TUBD1: variants seen among roughly 807,000 people sequenced by gnomAD.
The protein encoded by TUBD1 is tubulin delta 1.
TUBD1 carries 38 observed loss-of-function variants against 51.2 expected under a neutral mutation model. The ratio of observed to expected loss-of-function variants is 0.74; its 90% CI spans 0.57 to 0.97. TUBD1 has a LOEUF of 0.97. Ranked by LOEUF, TUBD1 falls within the 50% of genes least tolerant of loss-of-function variation. The pLI is 0.00. For missense variants in TUBD1, 489 were observed against 538.4 expected, an observed-to-expected ratio of 0.91 and a Z score of 0.91; for synonymous variants, 169 against 178.2, an observed-to-expected ratio of 0.95 and a Z score of 0.41.
intron 4 of TUBD1, among the ~76,000 whole-genome samples, chr17:59,879,145 G>A (rs1278028868): frequency 6.6e-6 from 1 of 151,884 alleles, no homozygotes; most frequent in Non-Finnish European, 1.5e-5. Flanking sequence ...GCGCATGCCT[G>A]TAGTCCCAGC....
chr17:59,866,925 C>T (rs897802458), intron 6 of TUBD1, among the ~76,000 whole-genome samples, 176 bp from the exon 7 acceptor site: 2 of 151,936 alleles, frequency 1.3e-5, no homozygotes, highest in Non-Finnish European at 2.9e-5. Context: ...GCTGGCTAGA[C>T]AGGATTAGAG....
chr17:59,878,490 T>A (rs77278679), intron 4 of TUBD1, 156 bp from the exon 5 acceptor site: 1 of 104,850 alleles, frequency 9.5e-6, no homozygotes, highest in Non-Finnish European at 1.9e-5. Context: ...CTCAGTTTCC[T>A]TTTTTTTTTT....
intron 7 of TUBD1, among the ~76,000 whole-genome samples, chr17:59,864,259 C>T (rs551823110): frequency 1.3e-3 from 190 of 151,910 alleles, no homozygotes; most frequent in African/African-American, 4.4e-3. Context: ...AATCCTCCCA[C>T]CTTAGCCTCC....
Position 59,860,422 on chromosome 17 carries a change from G to A in TUBD1, c.1262C>T (p.Ala421Val). 3 of 1,538,706 alleles carry A rather than the reference G, an allele frequency of 1.9e-6. No individual in the cohort carries two copies. Among genetic ancestry groups the A allele is most frequent in the Non-Finnish European group, 2.6e-6 (3 of 1,134,272 alleles). Residue 421 changes from alanine to valine, a missense_variant and splice_region_variant, in exon 9 of 9, where the codon GCC (alanine) becomes GTC (valine). Ala to Val is a moderately conservative substitution (Grantham distance 64). Transcript: ENST00000325752. Reference protein sequence around the residue: ...GKAWNMFASKAYIHQYTKFGI... With the variant: ...GKAWNMFASKVYIHQYTKFGI... ...AAATTTTGTGTACTGATGAATGTAG[G>A]CTCTGGTAGAAAAAAAAAAAAAACA...
intron 8 of TUBD1, among the ~76,000 whole-genome samples, chr17:59,861,788 C>A (rs1306809518): frequency 6.6e-6 from 1 of 151,678 alleles, no homozygotes; most frequent in Non-Finnish European, 1.5e-5. Context: ...CTGCCTCAGC[C>A]TCCCAAGTAG....
Position 59,859,523 on chromosome 17 carries a change from A to G in TUBD1, c.*799T>C, listed in dbSNP as rs899297905. ...ATAAGCATTTATTACCAAAATCCTC[A>G]TATTTATTTTTAAATAGCTGCTTAG... is the stretch of plus-strand genomic sequence containing the variant. On this transcript the variant is annotated 3_prime_UTR_variant, in exon 9 of 9. Transcript: ENST00000325752. 1 of 152,484 alleles carries G rather than the reference A, an allele frequency of 6.6e-6. No homozygotes were observed. The highest frequency in any genetic ancestry group is 6.6e-5 in the Admixed American group (1 of 15,248). 9.4% of individuals were successfully genotyped at this position (152,484 alleles called of 1,614,324 possible).
Position 59,890,914 on chromosome 17 carries a change from G to A in TUBD1, c.89C>T (p.Ser30Phe). 4 of 1,613,894 alleles carry A rather than the reference G, an allele frequency of 2.5e-6. No individual in the cohort carries two copies. Among genetic ancestry groups the A allele is most frequent in the Non-Finnish European group, 3.4e-6 (4 of 1,179,974 alleles). ...FDALLSDSHSSQGLCSMRENE... is the reference protein window; with the variant it reads ...FDALLSDSHSFQGLCSMRENE... ...CTCTCTCATAGAGCAGAGTCCCTGG[G>A]AACTGTGTGAGTCACTAAGCAAAGC... Residue 30 changes from serine to phenylalanine, a missense_variant, in exon 2 of 9, where the codon TCC becomes TTC. Ser to Phe is a radical substitution (Grantham distance 155, BLOSUM62 -2). Coordinates refer to ENST00000325752, the MANE Select transcript of TUBD1 (RefSeq NM_016261.4).
At chr17:59,879,382 G>A (rs1291821616) in intron 4 of TUBD1, among the ~76,000 whole-genome samples, 1 of 152,106 alleles carries the variant, frequency 6.6e-6, no homozygotes, top group Admixed American at 6.6e-5. Flanking sequence ...TCTGCTTTAT[G>A]TACTGGAGTG....
rs866544707 is a variant in TUBD1 at position 59,862,849 on chromosome 17, C to T, written c.1259+815G>A. Among the ~76,000 whole-genome samples, 134 of 151,604 alleles carry T rather than the reference C, an allele frequency of 8.8e-4. 1 individual carries two copies. In the Middle Eastern group the frequency reaches 0.01, roughly 12 times the overall value. On this transcript the variant is annotated intron_variant, in intron 8 of 8. Coordinates refer to ENST00000325752, the MANE Select transcript of TUBD1 (RefSeq NM_016261.4). ...ACGCCATTCTCCTGCCTCAGCCTCC[C>T]GAGTAGCTGGGACTACAGGCGCCCG... is the stretch of plus-strand genomic sequence containing the variant.
At chr17:59,866,463 T>A in intron 7 of TUBD1, 146 bp downstream of exon 7, 1 of 892,754 alleles carries the variant, frequency 1.1e-6, no homozygotes, top group Non-Finnish European at 1.7e-6. Context: ...ACATACTAAC[T>A]GATGCCATGG....
intron 5 of TUBD1, among the ~76,000 whole-genome samples, chr17:59,876,975 C>A (rs755694223): frequency 6.6e-6 from 1 of 151,778 alleles, no homozygotes; most frequent in Non-Finnish European, 1.5e-5. Flanking sequence ...AATTCTCCTG[C>A]CTGTCTTCTG....
chr17:59,868,954 C>T (rs917383441), intron 6 of TUBD1, among the ~76,000 whole-genome samples: 2 of 150,830 alleles, frequency 1.3e-5, no homozygotes. Context: ...GAGTTTGAGG[C>T]TGCATTGAGC....
In TUBD1 at chr17:59,860,406, G is replaced by C. The variant is rs2039382482; in HGVS notation, c.1278C>G (p.Tyr426Ter). 5 of 1,581,684 alleles carry C rather than the reference G, an allele frequency of 3.2e-6. No individual in the cohort carries two copies. In the East Asian group the frequency reaches 1.1e-4, roughly 36 times the overall value. ...CCTCTTCTTCGATTCCAAATTTTGTGTACTGATGAATGTAGGCTCTGGTAG... is the reference window on the plus strand; with the variant it reads ...CCTCTTCTTCGATTCCAAATTTTGTCTACTGATGAATGTAGGCTCTGGTAG... ...MFASKAYIHQ[Y>*]TKFGIEEEDF... is the part of the protein sequence containing the mutation. Residue 426 changes from tyrosine (Y) to a stop codon, truncating the protein, a stop_gained, in exon 9 of 9, where the codon TAC becomes TAG. Coordinates refer to ENST00000325752, the MANE Select transcript of TUBD1 (RefSeq NM_016261.4). LOFTEE classifies it high-confidence loss of function.
chr17:59,868,108 C>CAAA (rs35401242), intron 6 of TUBD1, among the ~76,000 whole-genome samples: 1,466 of 26,788 alleles, frequency 0.055, 214 homozygotes, highest in African/African-American at 0.2. Context: ...ACTAAAAATA[C>CAAA]AAAAAAAAAA....
At chr17:59,888,406 G>A (rs1201361411) in intron 2 of TUBD1, among the ~76,000 whole-genome samples, 1 of 152,168 alleles carries the variant, frequency 6.6e-6, no homozygotes, top group Non-Finnish European at 1.5e-5. Context: ...GAGTATATAG[G>A]AGGTCAAATA....
chr17:59,863,786 C>T lies in TUBD1; in HGVS notation c.1137G>A (p.Val379=). 6.2e-7 allele frequency: 1 copy of T among 1,610,538 alleles called. No homozygotes were observed. The highest frequency in any genetic ancestry group is 1.1e-5 in the South Asian group (1 of 90,124). The change falls in exon 8 of 9, where the codon GTG becomes GTA. Residue 379 remains valine, a synonymous_variant. Coordinates refer to ENST00000325752, the MANE Select transcript of TUBD1 (RefSeq NM_016261.4). ...TGCTAAAGGCCCGCTGGGTTTTCCA[C>T]ACGTTGAAAGCATTAACAGGCTTCA... ...SWLKPVNAFN[V]WKTQRAFSKY... is the part of the protein sequence containing the mutation.
intron 6 of TUBD1, among the ~76,000 whole-genome samples, chr17:59,867,183 G>T (rs375993783): frequency 6.6e-6 from 1 of 151,366 alleles, no homozygotes; most frequent in Non-Finnish European, 1.5e-5. Context: ...TTTTGGACAG[G>T]GTCTCTCGCT....
chr17:59,884,204 T>C (rs1018431269), intron 3 of TUBD1, among the ~76,000 whole-genome samples: 2 of 149,278 alleles, frequency 1.3e-5, no homozygotes, highest in Non-Finnish European at 3.0e-5. Flanking sequence ...GAGGTTGCAG[T>C]GAGCCGAAAT....
intron 2 of TUBD1, 22 bp downstream of exon 2, chr17:59,890,809 G>A (rs969204470): frequency 5.0e-6 from 8 of 1,590,728 alleles, no homozygotes; most frequent in Non-Finnish European, 1.7e-6. Context: ...GAGTAAAGGA[G>A]AGGACTGTGG....
Sources: gnomAD v4.1 joint callset for allele counts (sites outside exome capture counted in the v4.1 genomes callset) on GRCh38, gnomAD v4.1.1 for gene constraint, MANE v1.5 for transcripts, NCBI Gene and HGNC (gene_info 2026-07-23, HGNC 2026-07-21) for gene names.